Variants in SNX27 observed in about 807,000 individuals in gnomAD.
SNX27 encodes sorting nexin 27.
Under a neutral mutation model 71.6 loss-of-function variants are expected in SNX27, and 22 were observed. The observed-to-expected ratio is 0.31, with a 90% CI of 0.22 to 0.44. The LOEUF (loss-of-function observed/expected upper bound fraction) is 0.44, where lower values mean the gene tolerates loss of function less well. Among genes scored for constraint, SNX27 ranks in the 20% least tolerant of loss-of-function variants. The probability of loss-of-function intolerance (pLI) is 1.00; values close to 1 mark genes in which losing one functional copy is unlikely to be tolerated. For synonymous variants in SNX27, 269 were observed against 277.2 expected (o/e 0.97, Z 0.29); for missense variants, 531 against 698.6 (o/e 0.76, Z 2.70).
chr1:151,690,746 C>CATT (rs1277827490), intron 8 of SNX27, among the ~76,000 whole-genome samples: 1 of 152,140 alleles, frequency 6.6e-6, no homozygotes, highest in Non-Finnish European at 1.5e-5. Flanking sequence ...CATGCCCAGC[C>CATT]AAATACTCTG....
At chr1:151,621,199 C>T (rs1378243309) in intron 1 of SNX27, among the ~76,000 whole-genome samples, 1 of 152,116 alleles carries the variant, frequency 6.6e-6, no homozygotes, top group Admixed American at 6.6e-5. Context: ...TCATAATATT[C>T]GTACTCCAGG....
intron 8 of SNX27, among the ~76,000 whole-genome samples, chr1:151,691,488 T>C (rs1483355236): frequency 6.8e-6 from 1 of 147,282 alleles, no homozygotes; most frequent in Non-Finnish European, 1.5e-5. Context: ...TTTTTTTCCT[T>C]GAGACAGAGT....
rs1346732190 is a variant in SNX27 at position 151,692,947 on chromosome 1, C to T, written c.1426C>T (p.Arg476Ter). The change falls in exon 10 of 12, where the codon CGA becomes TGA. Residue 476 changes from arginine (R) to a stop codon, truncating the protein, a stop_gained. Coordinates refer to ENST00000458013, the MANE Select transcript of SNX27 (RefSeq NM_001330723.2). LOFTEE classifies it high-confidence loss of function. Reference protein sequence around the residue: ...VIAFEWDEMQRWDTDEEGMAF... With the variant: ...VIAFEWDEMQ ...TGCATTTGAATGGGATGAGATGCAGCGATGGGACACAGATGAAGAAGGGAT... is the reference window on the plus strand; with the variant it reads ...TGCATTTGAATGGGATGAGATGCAGTGATGGGACACAGATGAAGAAGGGAT... 4 of 1,613,962 alleles carry T rather than the reference C, an allele frequency of 2.5e-6. No individual in the cohort carries two copies. The highest frequency in any genetic ancestry group is 1.7e-5 in the Admixed American group (1 of 59,990).
In SNX27 at chr1:151,645,651, G is replaced by A. The variant is rs191920171; in HGVS notation, c.543+6532G>A. ...CCTTCTCTGGTTTTCTCTTGTCTTG[G>A]ATTCTCCACTCACTCTGGTAGCAGC... On this transcript the variant is annotated intron_variant, in intron 2 of 11. Coordinates refer to ENST00000458013, the MANE Select transcript of SNX27 (RefSeq NM_001330723.2). Among the ~76,000 whole-genome samples, 344 of 152,260 alleles carry A rather than the reference G, an allele frequency of 2.3e-3. 2 individuals are homozygous for A. Among genetic ancestry groups the A allele is most frequent in the South Asian group, 0.014 (66 of 4,820 alleles).
At chr1:151,693,549 T>C (rs1295132868) in intron 11 of SNX27, 66 bp downstream of exon 11, 1 of 1,595,710 alleles carries the variant, frequency 6.3e-7, no homozygotes, top group Non-Finnish European at 8.6e-7. Context: ...TATAGGCCTG[T>C]GGCCAAATAC....
intron 2 of SNX27, among the ~76,000 whole-genome samples, chr1:151,656,050 CG>C (rs916092511): frequency 6.6e-6 from 1 of 151,832 alleles, no homozygotes; most frequent in African/African-American, 2.4e-5. Flanking sequence ...GGTGAAACCC[CG>C]TCTCTACTAA....
intron 7 of SNX27, among the ~76,000 whole-genome samples, chr1:151,682,599 TTTAA>T (rs1671016972): frequency 6.6e-6 from 1 of 152,094 alleles, no homozygotes; most frequent in Non-Finnish European, 1.5e-5. Flanking sequence ...AGAAAGGAAG[TTTAA>T]TTGACTCACA....
At chr1:151,659,768 C>A (rs1176662721) in intron 3 of SNX27, 1 of 152,238 alleles carries the variant, frequency 6.6e-6, no homozygotes, top group Non-Finnish European at 1.5e-5. Context: ...TGACACAGAT[C>A]TCCTCAATAA....
chr1:151,683,145 C>T (rs969131983), intron 7 of SNX27, among the ~76,000 whole-genome samples: 2 of 152,142 alleles, frequency 1.3e-5, no homozygotes, highest in Non-Finnish European at 2.9e-5. Context: ...GTCCCTCCCT[C>T]GACATATGGG....
At chr1:151,621,204 T>C (rs1389039836) in intron 1 of SNX27, among the ~76,000 whole-genome samples, 3 of 152,184 alleles carry the variant, frequency 2.0e-5, no homozygotes, top group Non-Finnish European at 4.4e-5. Context: ...ATATTCGTAC[T>C]CCAGGGTTAA....
intron 7 of SNX27, chr1:151,675,793 T>TCCTTC (rs1670661287): frequency 7.7e-6 from 1 of 130,712 alleles, no homozygotes; most frequent in African/African-American, 2.7e-5. Context: ...CTCCCTCCCT[T>TCCTTC]CCTTCTTTCT....
chr1:151,664,141 TAAAC>T (rs1158367484), intron 5 of SNX27, among the ~76,000 whole-genome samples: 8 of 147,390 alleles, frequency 5.4e-5, no homozygotes, highest in East Asian at 3.9e-4. Context: ...TGTTACATAT[TAAAC>T]AATATATACT....
Position 151,692,532 on chromosome 1 carries a change from T to A in SNX27, c.1337T>A (p.Ile446Asn). The part of the protein sequence containing the change: ...SRRKGHVITA[I>N]SITHFKLHAC... ...AGGAAGGGGCACGTTATCACAGCCA[T>A]CAGCATCACGCACTTTAAACTGCAT... Residue 446 changes from isoleucine to asparagine, a missense_variant, in exon 9 of 12, where the codon ATC becomes AAC. Ile to Asn is a moderately radical substitution (Grantham distance 149). Around this residue, in one of 5 missense-constraint regions of SNX27, gnomAD observed 157 missense variants for 178.4 expected, o/e 0.88. Coordinates refer to ENST00000458013, the MANE Select transcript of SNX27 (RefSeq NM_001330723.2). 1 of 1,555,860 alleles carries A rather than the reference T, an allele frequency of 6.4e-7. No homozygotes were observed. The highest frequency in any genetic ancestry group is 8.7e-7 in the Non-Finnish European group (1 of 1,143,186).
intron 7 of SNX27, among the ~76,000 whole-genome samples, chr1:151,671,550 T>C (rs1670452476): frequency 6.6e-6 from 1 of 152,178 alleles, no homozygotes; most frequent in South Asian, 2.1e-4. Context: ...TTTCTTCTTT[T>C]TCTTAGGATA....
intron 6 of SNX27, 112 bp downstream of exon 6, chr1:151,666,123 C>CT (rs1670178636): frequency 1.4e-6 from 1 of 725,366 alleles, no homozygotes; most frequent in African/African-American, 1.8e-5. Context: ...AGAACTGTCT[C>CT]TAACAATCAG....
At chr1:151,682,171 A>G (rs1167125362) in intron 7 of SNX27, among the ~76,000 whole-genome samples, 1 of 152,242 alleles carries the variant, frequency 6.6e-6, no homozygotes, top group Admixed American at 6.5e-5. Context: ...ACATATACCT[A>G]AAAGAATGCT....
chr1:151,689,093 T>G (rs891335843), intron 8 of SNX27, among the ~76,000 whole-genome samples: 2 of 152,158 alleles, frequency 1.3e-5, no homozygotes, highest in African/African-American at 4.8e-5. Flanking sequence ...GAGGGATAAA[T>G]TAGTCTTTTG....
intron 1 of SNX27, among the ~76,000 whole-genome samples, chr1:151,619,828 G>A (rs553089302): frequency 2.6e-5 from 4 of 152,288 alleles, no homozygotes; most frequent in African/African-American, 9.6e-5. Flanking sequence ...GAACTGCTTG[G>A]CTTGTATGAG....
At chr1:151,692,320 ACT>A (rs1671487567) in intron 8 of SNX27, 113 bp from the exon 9 acceptor site, 13 of 1,310,784 alleles carry the variant, frequency 9.9e-6, no homozygotes, top group South Asian at 5.1e-5. Context: ...GGGTGAGAAT[ACT>A]CTTTGTTCTT....
Sources: gnomAD v4.1 joint callset for allele counts (sites outside exome capture counted in the v4.1 genomes callset) on GRCh38, gnomAD v4.1.1 for gene constraint, gnomAD v4.1.1 regional missense constraint, MANE v1.5 for transcripts, NCBI Gene and HGNC (gene_info 2026-07-23, HGNC 2026-07-21) for gene names.